ASTN1: variants seen among roughly 807,000 people sequenced by gnomAD.
The protein encoded by ASTN1 is astrotactin 1.
ASTN1 carries 41 observed loss-of-function variants against 140.7 expected under a neutral mutation model. That is an observed-to-expected ratio of 0.29 (90% CI 0.23 to 0.38). ASTN1 has a LOEUF of 0.38. ASTN1 is among the 10% of genes least tolerant of loss of function. The pLI, the probability that ASTN1 is intolerant of heterozygous loss-of-function variation, is 1.00. For missense variants in ASTN1, 1,479 were observed against 1,678.8 expected, an observed-to-expected ratio of 0.88 and a Z score of 2.08; for synonymous variants, 640 against 652.2, an observed-to-expected ratio of 0.98 and a Z score of 0.29.
chr1:177,132,709 T>C (rs1445295011), intron 1 of ASTN1, among the ~76,000 whole-genome samples: 2 of 152,216 alleles, frequency 1.3e-5, no homozygotes, highest in East Asian at 3.9e-4. Flanking sequence ...AATTCCACTC[T>C]GCAAGCCACC....
rs762311137 is a variant in ASTN1 at position 176,936,364 on chromosome 1, A to G, written c.2384T>C (p.Val795Ala). ...TPDPDFLTGM[V>A]NFSEVSGYPV... is the part of the protein sequence containing the mutation. ...GTACCCAGACACTTCACTGAAGTTC[A>G]CCATCCCTAAGGACAGAAGAGATGT... Residue 795 changes from valine to alanine, a missense_variant, in exon 15 of 23, where the codon GTG becomes GCG. Transcript: ENST00000361833. 3.1e-6 allele frequency: 5 copies of G among 1,611,938 alleles called. No individual in the cohort carries two copies. The Admixed American group carries it at 6.7e-5, about 21-fold the overall frequency.
intron 1 of ASTN1, among the ~76,000 whole-genome samples, chr1:177,146,579 T>C (rs922989035): frequency 1.3e-5 from 2 of 152,174 alleles, no homozygotes; most frequent in African/African-American, 4.8e-5. Context: ...ATTACACAAT[T>C]TCAAAAACCC....
chr1:176,919,063 A>G (rs929602193), intron 16 of ASTN1, among the ~76,000 whole-genome samples: 1 of 152,116 alleles, frequency 6.6e-6, no homozygotes, highest in African/African-American at 2.4e-5. Context: ...CCATCCTAGC[A>G]TCCTATTCAT....
At chr1:176,966,627 C>T (rs1050102850) in intron 8 of ASTN1, among the ~76,000 whole-genome samples, 5 of 152,146 alleles carry the variant, frequency 3.3e-5, no homozygotes, top group Admixed American at 1.3e-4. Flanking sequence ...TGTATAATCA[C>T]TTTGAATCAC....
intron 7 of ASTN1, among the ~76,000 whole-genome samples, chr1:177,022,554 C>T (rs752833173): frequency 1.5e-4 from 23 of 152,128 alleles, no homozygotes; most frequent in Admixed American, 2.6e-4. Context: ...TAATTCATGC[C>T]ACACTAGAAT....
At chr1:177,052,445 G>C (rs1378662527) in intron 2 of ASTN1, among the ~76,000 whole-genome samples, 3 of 152,186 alleles carry the variant, frequency 2.0e-5, no homozygotes, top group Non-Finnish European at 4.4e-5. Context: ...CCATTTTATG[G>C]ATAGGGAAAG....
In ASTN1 at chr1:177,149,236, ATATATATAC is replaced by A. The variant is rs1440446491; in HGVS notation, c.283+15149_283+15157del. Among the ~76,000 whole-genome samples the A allele has an allele frequency of 1.4e-3, 145 of 101,266 alleles. 3 individuals are homozygous for A. Among genetic ancestry groups the A allele is most frequent in the African/African-American group, 5.3e-3 (118 of 22,328 alleles). 66.4% of individuals were successfully genotyped at this position (101,266 alleles called of 152,430 possible). ...TATATAGTAAATATATATAGTAAAT[ATATATATAC>A]TATATATAGTAAATATATATATACT... On this transcript the variant is annotated intron_variant, in intron 1 of 22. Coordinates refer to ENST00000361833, the MANE Select transcript of ASTN1 (RefSeq NM_004319.3).
At chr1:177,031,434 G>A (rs1295737535) in intron 3 of ASTN1, among the ~76,000 whole-genome samples, 1 of 152,172 alleles carries the variant, frequency 6.6e-6, no homozygotes, top group Non-Finnish European at 1.5e-5. Flanking sequence ...AGGCATTTGA[G>A]TTGATAATAA....
At chr1:176,990,703 C>T (rs1050142455) in intron 8 of ASTN1, among the ~76,000 whole-genome samples, 4 of 152,182 alleles carry the variant, frequency 2.6e-5, no homozygotes, top group South Asian at 2.1e-4. Context: ...CAGAGACTGG[C>T]GTAGTCTCCC....
intron 16 of ASTN1, among the ~76,000 whole-genome samples, chr1:176,923,797 T>G (rs1670842050): frequency 6.6e-6 from 1 of 152,128 alleles, no homozygotes; most frequent in African/African-American, 2.4e-5. Context: ...GTATAGACAT[T>G]TTATTGCTTA....
intron 1 of ASTN1, among the ~76,000 whole-genome samples, chr1:177,064,022 A>G (rs962996312): frequency 2.0e-5 from 3 of 152,066 alleles, no homozygotes; most frequent in Non-Finnish European, 4.4e-5. Flanking sequence ...TTCCCAGGAG[A>G]TCCTCCTCAA....
intron 16 of ASTN1, among the ~76,000 whole-genome samples, chr1:176,905,214 C>T (rs991716406): frequency 2.0e-5 from 3 of 152,184 alleles, no homozygotes; most frequent in Admixed American, 6.5e-5. Flanking sequence ...CTCCACAGTA[C>T]AAACACTCAG....
intron 20 of ASTN1, among the ~76,000 whole-genome samples, chr1:176,881,074 C>G (rs545432165): frequency 6.6e-6 from 1 of 152,334 alleles, no homozygotes; most frequent in African/African-American, 2.4e-5. Context: ...ATCTAGGGCT[C>G]TGTCCCTATC....
chr1:176,873,372 A>C (rs2103016760), intron 21 of ASTN1, among the ~76,000 whole-genome samples: 1 of 152,322 alleles, frequency 6.6e-6, no homozygotes, highest in Non-Finnish European at 1.5e-5. Flanking sequence ...TTTCAGCAAA[A>C]CATCGGTAGA....
At position 177,061,253 on chromosome 1, in the gene ASTN1, T is replaced by C. The variant is rs150889958; in HGVS notation, c.296A>G (p.Asn99Ser). The change falls in exon 2 of 23, where the codon AAC becomes AGC. Residue 99 changes from asparagine (N) to serine (S), a missense_variant. Asn to Ser is a conservative substitution (Grantham distance 46). Coordinates refer to ENST00000361833, the MANE Select transcript of ASTN1 (RefSeq NM_004319.3). ...GCGCACCAAAGGGATATCCTCTGTG[T>C]TCCCTGAGATCTCTAGAAGATGAAC... is the stretch of plus-strand genomic sequence containing the variant. The part of the protein sequence containing the change: ...LPYFVLEISG[N>S]TEDIPLVRWR... 10 of 1,551,140 alleles carry C rather than the reference T, an allele frequency of 6.4e-6. No individual in the cohort carries two copies. Among genetic ancestry groups the C allele is most frequent in the Non-Finnish European group, 8.7e-6 (10 of 1,147,354 alleles).
intron 1 of ASTN1, among the ~76,000 whole-genome samples, chr1:177,084,150 T>C (rs1359476131): frequency 6.6e-6 from 1 of 152,166 alleles, no homozygotes; most frequent in East Asian, 1.9e-4. Flanking sequence ...AGCTCCCTAC[T>C]AAGTAGGAGT....
Position 176,861,310 on chromosome 1 carries a change from C to G in ASTN1, c.*2974G>C, listed in dbSNP as rs891503522. On this transcript the variant is annotated 3_prime_UTR_variant, in exon 23 of 23. Transcript: ENST00000361833. ...AAACTCCATGGAAAACGATTGCACA[C>G]TCAATTAAAAGTCTAATGCTATTAC... 3 of 985,624 alleles carry G rather than the reference C, an allele frequency of 3.0e-6. No homozygotes were observed. In the African/African-American group the frequency reaches 5.2e-5, roughly 17 times the overall value. The allele number at this position is 985,624 out of a possible 1,614,324, so 61.1% of individuals were successfully genotyped here.
chr1:177,100,988 G>A (rs938098752), intron 1 of ASTN1, among the ~76,000 whole-genome samples: 1 of 152,280 alleles, frequency 6.6e-6, no homozygotes, highest in East Asian at 1.9e-4. Flanking sequence ...CTCTACTGGG[G>A]AGGCTGAGGC....
chr1:176,985,392 G>A (rs1008066092), intron 8 of ASTN1, among the ~76,000 whole-genome samples: 3 of 151,960 alleles, frequency 2.0e-5, no homozygotes, highest in South Asian at 2.1e-4. Flanking sequence ...CCCCTCTTAC[G>A]AGTCCTCAAG....
Sources: allele counts gnomAD v4.1 joint callset (sites outside exome capture counted in the v4.1 genomes callset), GRCh38; gene constraint gnomAD v4.1.1; transcripts MANE v1.5; gene names NCBI Gene and HGNC (gene_info 2026-07-23, HGNC 2026-07-21).